SYNE1: variants seen among roughly 807,000 people sequenced by gnomAD.
The protein encoded by SYNE1 is spectrin repeat containing nuclear envelope protein 1, also known as nesprin-1.
SYNE1 carries 616 observed loss-of-function variants against 1,111.0 expected under a neutral mutation model. The observed-to-expected ratio is 0.55, with a 90% CI of 0.52 to 0.59. The LOEUF is 0.59. Among genes scored for constraint, SYNE1 ranks in the 20% least tolerant of loss-of-function variants. The pLI is 0.00. For synonymous variants in SYNE1, 3,855 were observed against 3,825.8 expected, an observed-to-expected ratio of 1.01 and a Z score of -0.28; for missense variants, 10,006 against 10,417.0, an observed-to-expected ratio of 0.96 and a Z score of 1.72.
chr6:152,171,822 T>C (rs1407237607), intron 130 of SYNE1, among the ~76,000 whole-genome samples: 4 of 152,252 alleles, frequency 2.6e-5, no homozygotes, highest in African/African-American at 9.6e-5. Context: ...CAGATTTTTC[T>C]ATGGCTGCTT....
chr6:152,360,177 T>G (rs2096908194), intron 64 of SYNE1, among the ~76,000 whole-genome samples: 1 of 152,194 alleles, frequency 6.6e-6, no homozygotes, highest in African/African-American at 2.4e-5. Flanking sequence ...GTCCCAATGC[T>G]GCCGGGATCA....
chr6:152,437,161 AAAG>A (rs2098481561), intron 32 of SYNE1, among the ~76,000 whole-genome samples: 2 of 152,200 alleles, frequency 1.3e-5, no homozygotes, highest in African/African-American at 4.8e-5. Context: ...CTCAAAGAAA[AAAG>A]AGAGAGAGAA....
rs746571570 is a variant in SYNE1 at position 152,359,426 on chromosome 6, G to A, written c.10332C>T (p.Ser3444=). Residue 3444 remains serine (S), a synonymous_variant, in exon 65 of 146, where the codon AGC becomes AGT. Coordinates refer to ENST00000367255, the MANE Select transcript of SYNE1 (RefSeq NM_182961.4). The part of the protein sequence containing the change: ...LLNEEVLSYS[S]LLETIEVKGA... Reference sequence around the variant, plus strand: ...CTTTGACTTCGATGGTCTCCAGCAAGCTGCTGTAACTCAGCACTTCTTCAT... The same window carrying A: ...CTTTGACTTCGATGGTCTCCAGCAAACTGCTGTAACTCAGCACTTCTTCAT... 10 of 1,614,170 alleles carry A rather than the reference G, an allele frequency of 6.2e-6. No homozygotes were observed. In the South Asian group the frequency reaches 1.1e-4, roughly 18 times the overall value.
intron 129 of SYNE1, among the ~76,000 whole-genome samples, chr6:152,179,699 T>C (rs2067433193): frequency 7.9e-6 from 1 of 126,316 alleles, no homozygotes; most frequent in African/African-American, 3.0e-5. Flanking sequence ...TTTTTTTTTT[T>C]TTTTGAGACA....
intron 130 of SYNE1, among the ~76,000 whole-genome samples, chr6:152,166,528 A>C (rs2063688606): frequency 6.6e-6 from 1 of 152,236 alleles, no homozygotes. Context: ...GGATGCAAGT[A>C]AACACTGTTC....
chr6:152,147,822 A>C, intron 137 of SYNE1: 10 of 532,094 alleles, frequency 1.9e-5, no homozygotes, highest in East Asian at 3.5e-5. Context: ...GAACCTGGCA[A>C]AGCGCTTGTC....
At chr6:152,617,804 G>A (rs745983324) in intron 3 of SYNE1, among the ~76,000 whole-genome samples, 6 of 152,208 alleles carry the variant, frequency 3.9e-5, no homozygotes, top group Non-Finnish European at 8.8e-5. Flanking sequence ...GCTTCACAGA[G>A]GAGGCAGGAT....
intron 39 of SYNE1, among the ~76,000 whole-genome samples, chr6:152,424,294 T>G (rs538336497): frequency 5.3e-5 from 8 of 152,256 alleles, no homozygotes; most frequent in Admixed American, 1.3e-4. Context: ...ATTTTAATAC[T>G]TATAAAATCT....
At chr6:152,137,244 A>T (rs1184114143) in intron 140 of SYNE1, among the ~76,000 whole-genome samples, 2 of 152,208 alleles carry the variant, frequency 1.3e-5, no homozygotes, top group East Asian at 3.9e-4. Context: ...AATAAAGAGG[A>T]GTCTTGTAGG....
chr6:152,344,232 G>C lies in SYNE1; in HGVS notation c.12079-5C>G. On this transcript the variant is annotated splice_polypyrimidine_tract_variant and splice_region_variant and intron_variant, in intron 73 of 145. Coordinates refer to ENST00000367255, the MANE Select transcript of SYNE1 (RefSeq NM_182961.4). ...GTGTTCCAAACTCTGGTACATCTGA[G>C]ACAATACAATCATGCTGAGATTATG... The C allele has an allele frequency of 8.7e-6, 14 of 1,614,122 alleles. No homozygotes were observed. Among genetic ancestry groups the C allele is most frequent in the Non-Finnish European group, 1.2e-5 (14 of 1,180,012 alleles).
intron 58 of SYNE1, among the ~76,000 whole-genome samples, chr6:152,374,673 C>CT (rs2097250169): frequency 6.6e-6 from 1 of 152,074 alleles, no homozygotes; most frequent in Non-Finnish European, 1.5e-5. Context: ...ACTCAGGAGG[C>CT]TGAGGCAGGA....
Position 152,518,977 on chromosome 6 carries a change from G to A in SYNE1, c.309+1482C>T, listed in dbSNP as rs1262742100. Among the ~76,000 whole-genome samples the A allele has an allele frequency of 2.6e-5, 4 of 151,092 alleles. No homozygotes were observed. In the East Asian group the frequency reaches 5.9e-4, roughly 22 times the overall value. The stretch of plus-strand genomic sequence containing the variant: ...ATAGGAAGGGGAACATCACCCACCC[G>A]GGACTGTTGTAGGGTGGGGGGAGGG... On this transcript the variant is annotated intron_variant, in intron 6 of 145. Transcript: ENST00000367255.
intron 22 of SYNE1, chr6:152,456,697 C>T (rs1333441068): frequency 6.7e-6 from 3 of 449,338 alleles, no homozygotes; most frequent in African/African-American, 6.0e-5. Context: ...TTGTAGCCTG[C>T]AATTGTGATT....
intron 124 of SYNE1, among the ~76,000 whole-genome samples, chr6:152,210,478 A>G (rs962169243): frequency 6.6e-6 from 1 of 152,194 alleles, no homozygotes; most frequent in Non-Finnish European, 1.5e-5. Context: ...TTAGAGTAGA[A>G]TAAATATAAT....
chr6:152,493,356 A>C (rs540802254), intron 11 of SYNE1, among the ~76,000 whole-genome samples: 1 of 152,106 alleles, frequency 6.6e-6, no homozygotes, highest in Admixed American at 6.5e-5. Flanking sequence ...TCTGGATTTC[A>C]AAGATGCTTT....
At chr6:152,607,884 G>C (rs1188930123) in intron 3 of SYNE1, among the ~76,000 whole-genome samples, 1 of 152,154 alleles carries the variant, frequency 6.6e-6, no homozygotes, top group Non-Finnish European at 1.5e-5. Context: ...TCCTTTGCAG[G>C]GATATGAATG....
intron 82 of SYNE1, among the ~76,000 whole-genome samples, chr6:152,322,449 T>C (rs1296462340): frequency 6.6e-6 from 1 of 151,908 alleles, no homozygotes; most frequent in East Asian, 1.9e-4. Flanking sequence ...ATGTAGAAAT[T>C]AAATTATCAA....
intron 130 of SYNE1, among the ~76,000 whole-genome samples, chr6:152,175,090 G>A (rs1051435514): frequency 3.3e-5 from 5 of 152,292 alleles, no homozygotes; most frequent in African/African-American, 1.2e-4. Context: ...GGGATTGGGA[G>A]GCTGAGGCAG....
intron 41 of SYNE1, 74 bp from the exon 42 acceptor site, chr6:152,413,605 T>G: frequency 6.8e-7 from 1 of 1,465,662 alleles, no homozygotes; most frequent in South Asian, 1.2e-5. Context: ...CGTAAGTATA[T>G]GATGAGTCCA....
Sources: allele counts gnomAD v4.1 joint callset (sites outside exome capture counted in the v4.1 genomes callset), GRCh38; gene constraint gnomAD v4.1.1; transcripts MANE v1.5; gene names NCBI Gene and HGNC (gene_info 2026-07-23, HGNC 2026-07-21).